LHFPL3: variants seen among roughly 807,000 people sequenced by gnomAD.
LHFPL3 encodes the protein LHFPL tetraspan subfamily member 3 protein.
Under a neutral mutation model 19.3 loss-of-function variants are expected in LHFPL3, and 5 were observed. The observed-to-expected ratio is 0.26, with a 90% confidence interval of 0.14 to 0.54. The LOEUF is 0.54. Among genes scored for constraint, LHFPL3 ranks in the 20% least tolerant of loss-of-function variants. LHFPL3 has a pLI of 0.94. For missense variants in LHFPL3, 249 were observed against 307.4 expected (o/e 0.81, Z 1.42); for synonymous variants, 133 against 126.2 (o/e 1.05, Z -0.36).
intron 1 of LHFPL3, among the ~76,000 whole-genome samples, chr7:104,638,351 C>T (rs1791767201): frequency 1.3e-5 from 2 of 152,074 alleles, no homozygotes; most frequent in African/African-American, 4.8e-5. Flanking sequence ...AGTTTGATTT[C>T]CCCTCTTCCT....
intron 1 of LHFPL3, among the ~76,000 whole-genome samples, chr7:104,385,027 C>T (rs1229450361): frequency 6.6e-6 from 1 of 151,976 alleles, no homozygotes; most frequent in Admixed American, 6.6e-5. Context: ...ATTGGCCTCA[C>T]GTTTTTTATG....
intron 2 of LHFPL3, among the ~76,000 whole-genome samples, chr7:104,775,565 G>C (rs1794624591): frequency 6.6e-6 from 1 of 151,950 alleles, no homozygotes; most frequent in Admixed American, 6.6e-5. Flanking sequence ...AAAATTAGGG[G>C]CCAGATGGAG....
At chr7:104,579,965 C>T (rs555965006) in intron 1 of LHFPL3, among the ~76,000 whole-genome samples, 1 of 152,124 alleles carries the variant, frequency 6.6e-6, no homozygotes, top group Admixed American at 6.6e-5. Context: ...CTTACAAACT[C>T]AAAATTTAGC....
intron 1 of LHFPL3, among the ~76,000 whole-genome samples, chr7:104,679,811 A>G (rs1021970181): frequency 2.6e-5 from 4 of 152,196 alleles, no homozygotes; most frequent in Non-Finnish European, 5.9e-5. Flanking sequence ...CTCATTGTAA[A>G]ATAAGATATC....
At chr7:104,746,913 C>T (rs1182494749) in intron 2 of LHFPL3, among the ~76,000 whole-genome samples, 1 of 152,180 alleles carries the variant, frequency 6.6e-6, no homozygotes, top group Non-Finnish European at 1.5e-5. Flanking sequence ...TGCTGTCTCC[C>T]TTTGTTCCTA....
chr7:104,527,245 A>G (rs931690790), intron 1 of LHFPL3, among the ~76,000 whole-genome samples: 1 of 152,110 alleles, frequency 6.6e-6, no homozygotes, highest in South Asian at 2.1e-4. Flanking sequence ...GCTGCATTCT[A>G]GTTGTGGTGA....
intron 1 of LHFPL3, among the ~76,000 whole-genome samples, chr7:104,439,602 T>C (rs1792177538): frequency 2.0e-5 from 3 of 152,132 alleles, no homozygotes; most frequent in Non-Finnish European, 4.4e-5. Flanking sequence ...TCTCTTTCTG[T>C]ATTGATGCAG....
intron 1 of LHFPL3, among the ~76,000 whole-genome samples, chr7:104,517,566 G>T (rs1793945548): frequency 6.7e-6 from 1 of 148,194 alleles, no homozygotes; most frequent in Admixed American, 6.8e-5. Context: ...GAGTGCAATG[G>T]TGTGTTCTTG....
chr7:104,704,741 T>C (rs1793161909), intron 1 of LHFPL3, among the ~76,000 whole-genome samples: 1 of 151,944 alleles, frequency 6.6e-6, no homozygotes, highest in African/African-American at 2.4e-5. Flanking sequence ...GCTCAAGCAA[T>C]CCTCCTGCCT....
chr7:104,501,099 C>CA (rs138166655), intron 1 of LHFPL3, among the ~76,000 whole-genome samples: 38,062 of 149,426 alleles, frequency 0.25, 5,691 homozygotes, highest in Non-Finnish European at 0.35. Flanking sequence ...CAATATCTGG[C>CA]AAAAAAAAAT....
chr7:104,848,203 C>T (rs1311264515), intron 2 of LHFPL3, among the ~76,000 whole-genome samples: 1 of 152,158 alleles, frequency 6.6e-6, no homozygotes, highest in Non-Finnish European at 1.5e-5. Context: ...GATGCCGCCT[C>T]TGCATGGCAC....
At chr7:104,483,638 T>TA (rs1467645850) in intron 1 of LHFPL3, among the ~76,000 whole-genome samples, 2 of 152,160 alleles carry the variant, frequency 1.3e-5, no homozygotes, top group Non-Finnish European at 2.9e-5. Flanking sequence ...AAGAAACAGA[T>TA]ACAGGGTCTC....
intron 1 of LHFPL3, among the ~76,000 whole-genome samples, chr7:104,555,116 C>T (rs959090261): frequency 2.0e-5 from 3 of 152,134 alleles, no homozygotes; most frequent in African/African-American, 7.2e-5. Context: ...CTAGAAACAC[C>T]CTCACAGACA....
At chr7:104,391,262 GC>G (rs1791061880) in intron 1 of LHFPL3, among the ~76,000 whole-genome samples, 1 of 152,154 alleles carries the variant, frequency 6.6e-6, no homozygotes, top group Non-Finnish European at 1.5e-5. Context: ...CCTTGCCCAT[GC>G]CTATGTCCTG....
At chr7:104,722,533 T>C (rs1181310998) in intron 1 of LHFPL3, among the ~76,000 whole-genome samples, 1 of 152,208 alleles carries the variant, frequency 6.6e-6, no homozygotes, top group Non-Finnish European at 1.5e-5. Context: ...ACCACAGTAT[T>C]TCATGTCCTA....
At chr7:104,443,263 C>T (rs1000834190) in intron 1 of LHFPL3, among the ~76,000 whole-genome samples, 5 of 152,286 alleles carry the variant, frequency 3.3e-5, no homozygotes, top group Middle Eastern at 6.8e-3. Context: ...CAGCATCCCT[C>T]AGCTCCAACC....
chr7:104,338,093 CTTTTT>C lies in LHFPL3; in HGVS notation c.445+8888_445+8892del, dbSNP rs71296520. ...TTATGATACCTTTATTTTCCTTTTT[CTTTTT>C]TTTTTTTTTTTTTTTTTTGAGACGG... On this transcript the variant is annotated intron_variant, in intron 1 of 2. Coordinates refer to ENST00000424859, the MANE Select transcript of LHFPL3 (RefSeq NM_199000.3). Among the ~76,000 whole-genome samples, 36 of 85,848 alleles carry C rather than the reference CTTTTT, an allele frequency of 4.2e-4. No individual in the cohort carries two copies. In the Middle Eastern group the frequency reaches 0.038, roughly 92 times the overall value. The allele number at this position is 85,848 out of a possible 152,430, so 56.3% of individuals were successfully genotyped here. A position where few individuals can be genotyped will look rare whatever the true frequency, so the allele number is the denominator to read the frequency against.
At chr7:104,693,949 A>C (rs1461813228) in intron 1 of LHFPL3, among the ~76,000 whole-genome samples, 1 of 152,118 alleles carries the variant, frequency 6.6e-6, no homozygotes, top group Non-Finnish European at 1.5e-5. Flanking sequence ...TTTTGTTTAT[A>C]AGTTACTCAG....
At chr7:104,692,623 G>C (rs1178581486) in intron 1 of LHFPL3, among the ~76,000 whole-genome samples, 1 of 152,248 alleles carries the variant, frequency 6.6e-6, no homozygotes, top group African/African-American at 2.4e-5. Context: ...CATTGCTTCA[G>C]AGGGTGCAAG....
Sources: gnomAD v4.1 joint callset for allele counts (sites outside exome capture counted in the v4.1 genomes callset) on GRCh38, gnomAD v4.1.1 for gene constraint, MANE v1.5 for transcripts, NCBI Gene and HGNC (gene_info 2026-07-23, HGNC 2026-07-21) for gene names.